The following MIB1 variants were observed in gnomAD, a reference collection of about 807,000 sequenced individuals.
MIB1 encodes the protein E3 ubiquitin-protein ligase MIB1.
A neutral mutation model predicts 124.5 loss-of-function variants in MIB1; 278 were observed. That is an observed-to-expected ratio of 2.23 (90% CI 2.02 to 2.47). MIB1 has a LOEUF of 2.47. MIB1 is among the 30% of genes most tolerant of loss of function. The pLI is 0.00. For synonymous variants in MIB1, 446 were observed against 429.4 expected (o/e 1.04, Z -0.48); for missense variants, 957 against 1,254.4 (o/e 0.76, Z 3.58).
intron 7 of MIB1, 70 bp downstream of exon 7, chr18:21,791,627 A>C: frequency 4.7e-6 from 6 of 1,275,534 alleles, no homozygotes; most frequent in Non-Finnish European, 6.5e-6. Context: ...AAGTAAATTA[A>C]TGTAGAAATT....
intron 6 of MIB1, among the ~76,000 whole-genome samples, chr18:21,782,422 G>A (rs1001822712): frequency 1.3e-5 from 2 of 152,032 alleles, no homozygotes; most frequent in African/African-American, 2.4e-5. Context: ...TGCATCTGGC[G>A]TTAAATTATT....
chr18:21,845,016 C>CTT (rs565684956), intron 15 of MIB1, among the ~76,000 whole-genome samples: 2 of 144,288 alleles, frequency 1.4e-5, no homozygotes, highest in East Asian at 2.0e-4. Flanking sequence ...TCTTTTCATT[C>CTT]TTTTTTTTTT....
At chr18:21,842,663 C>A (rs2155980) in intron 13 of MIB1, among the ~76,000 whole-genome samples, 3 of 152,346 alleles carry the variant, frequency 2.0e-5, no homozygotes, top group African/African-American at 7.2e-5. Flanking sequence ...CTAAAGCAAA[C>A]TTTCTTTTCA....
chr18:21,860,414 T>C (rs2042267023), intron 20 of MIB1, among the ~76,000 whole-genome samples: 1 of 152,092 alleles, frequency 6.6e-6, no homozygotes, highest in Non-Finnish European at 1.5e-5. Context: ...CTTTACGTCT[T>C]ATATATATCA....
chr18:21,855,141 GAAC>G (rs1461744109), intron 18 of MIB1, among the ~76,000 whole-genome samples: 1 of 152,150 alleles, frequency 6.6e-6, no homozygotes, highest in Non-Finnish European at 1.5e-5. Context: ...TTTATTTTCA[GAAC>G]AATCCTAAGA....
chr18:21,817,848 C>A, intron 11 of MIB1: 1 of 247,532 alleles, frequency 4.0e-6, no homozygotes, highest in Non-Finnish European at 8.2e-6. Flanking sequence ...AAGAATAAAA[C>A]AAACAAAAAA....
chr18:21,745,882 T>G (rs1598588817), intron 1 of MIB1, among the ~76,000 whole-genome samples: 1 of 152,206 alleles, frequency 6.6e-6, no homozygotes, highest in East Asian at 1.9e-4. Flanking sequence ...AACTTTTGTA[T>G]TTTTGGTAGA....
intron 10 of MIB1, among the ~76,000 whole-genome samples, chr18:21,807,413 CAGG>C (rs2041720942): frequency 6.6e-6 from 1 of 152,152 alleles, no homozygotes; most frequent in African/African-American, 2.4e-5. Flanking sequence ...GCCTGGGTGG[CAGG>C]AGTGAGACCC....
chr18:21,704,971 G>A (rs993091230), exon 1 of MIB1: 1 of 230,978 alleles, frequency 4.3e-6, no homozygotes. Context: ...GGTTCTCCCA[G>A]CTAGGTCGCA....
At chr18:21,832,249 C>G (rs963530231) in intron 12 of MIB1, among the ~76,000 whole-genome samples, 2 of 152,008 alleles carry the variant, frequency 1.3e-5, no homozygotes, top group Admixed American at 1.3e-4. Context: ...ATGAATTCTA[C>G]TTTATATTCA....
intron 6 of MIB1, 77 bp downstream of exon 6, chr18:21,779,762 G>A: frequency 1.5e-5 from 18 of 1,171,058 alleles, no homozygotes; most frequent in Non-Finnish European, 2.3e-5. Context: ...AGCAAATAAA[G>A]TGATACAACC....
chr18:21,724,735 T>A (rs1275107983), intron 1 of MIB1, among the ~76,000 whole-genome samples: 1,482 of 56,494 alleles, frequency 0.026, 37 homozygotes, highest in Middle Eastern at 0.049. Flanking sequence ...AAAATATATA[T>A]ATATATATAT....
At chr18:21,718,082 G>T (rs1401868062) in intron 1 of MIB1, among the ~76,000 whole-genome samples, 1 of 152,210 alleles carries the variant, frequency 6.6e-6, no homozygotes, top group Non-Finnish European at 1.5e-5. Flanking sequence ...GAATTAATAG[G>T]ATTTGCAGCC....
chr18:21,748,934 G>T (rs2040943492), intron 1 of MIB1, among the ~76,000 whole-genome samples: 1 of 151,312 alleles, frequency 6.6e-6, no homozygotes, highest in African/African-American at 2.4e-5. Flanking sequence ...TAGAGTTGAG[G>T]TCTTGCTGTA....
At chr18:21,815,027 ATATAT>A (rs1271456692) in intron 10 of MIB1, among the ~76,000 whole-genome samples, 1 of 106,140 alleles carries the variant, frequency 9.4e-6, no homozygotes, top group East Asian at 2.4e-4. Flanking sequence ...ATATATATAT[ATATAT>A]ATATATATAT....
chr18:21,801,522 A>C (rs1320527592), intron 9 of MIB1, among the ~76,000 whole-genome samples: 1 of 152,172 alleles, frequency 6.6e-6, no homozygotes, highest in African/African-American at 2.4e-5. Flanking sequence ...ATACAGTGAA[A>C]TATGTGGATC....
chr18:21,740,113 C>CA (rs1446736308), upstream of MIB1, among the ~76,000 whole-genome samples: 1 of 152,206 alleles, frequency 6.6e-6, no homozygotes, highest in East Asian at 1.9e-4. Context: ...ACGGTGCCAA[C>CA]AGTGCTGGCC....
chr18:21,738,546 GC>G (rs2040805683), upstream of MIB1, among the ~76,000 whole-genome samples: 2 of 151,918 alleles, frequency 1.3e-5, no homozygotes, highest in South Asian at 4.2e-4. Flanking sequence ...GGTGGCTCAC[GC>G]CTGTAATCCC....
chr18:21,705,653 G>A (rs537687178), intron 1 of MIB1, among the ~76,000 whole-genome samples: 185 of 152,314 alleles, frequency 1.2e-3, no homozygotes, highest in African/African-American at 4.4e-3. Flanking sequence ...GTGCTGTCTA[G>A]ATTATGAAAA....
Sources: gnomAD v4.1 joint callset for allele counts (sites outside exome capture counted in the v4.1 genomes callset) on GRCh38, gnomAD v4.1.1 for gene constraint, MANE v1.5 for transcripts, NCBI Gene and HGNC (gene_info 2026-07-23, HGNC 2026-07-21) for gene names.